AKAP1: variants seen among roughly 807,000 people sequenced by gnomAD.
The protein encoded by AKAP1 is A-kinase anchoring protein 1, also known as A-kinase anchor protein 1, mitochondrial.
A neutral mutation model predicts 79.8 loss-of-function variants in AKAP1; 32 were observed. The observed-to-expected ratio is 0.40, with a 90% confidence interval of 0.30 to 0.54. The LOEUF is 0.54. Among genes scored for constraint, AKAP1 ranks in the 20% least tolerant of loss-of-function variants. The pLI is 0.47. For missense variants in AKAP1, 961 were observed against 1,138.9 expected, an observed-to-expected ratio of 0.84 and a Z score of 2.25; for synonymous variants, 416 against 466.7, an observed-to-expected ratio of 0.89 and a Z score of 1.40.
rs1375756476 is a variant in AKAP1, at chr17:57,120,333, C to T, written c.*9C>T. ...ACTACACAAGCCTTTGACCCCCATG[C>T]TGCTTCCTGAGAGTCTTTTTTTGCA... On this transcript the variant is annotated 3_prime_UTR_variant, in exon 11 of 11. Transcript: ENST00000337714. 6.2e-7 allele frequency: 1 copy of T among 1,610,018 alleles called. No homozygotes were observed. Among genetic ancestry groups the T allele is most frequent in the Non-Finnish European group, 8.5e-7 (1 of 1,178,796 alleles).
intron 4 of AKAP1, among the ~76,000 whole-genome samples, 154 bp from the exon 5 acceptor site, chr17:57,112,337 C>T (rs1370703023): frequency 6.6e-6 from 1 of 152,166 alleles, no homozygotes; most frequent in African/African-American, 2.4e-5. Context: ...TGCCTTTCTT[C>T]CTAAAGCAGA....
Position 57,106,643 on chromosome 17 carries a change from C to T in AKAP1, c.1179C>T (p.His393=). ...AGGAAGAGAGCTGTGTCCCAGTTCA[C>T]CAGAAAACTGTCTTGGGCCCAGACA... ...GQKEESCVPV[H]QKTVLGPDTA... is the part of the protein sequence containing the mutation. Residue 393 remains histidine, a synonymous_variant, in exon 2 of 11, where the codon CAC becomes CAT. Transcript: ENST00000337714. 6.2e-7 allele frequency: 1 copy of T among 1,614,118 alleles called. No individual in the cohort carries two copies. The highest frequency in any genetic ancestry group is 1.7e-5 in the Admixed American group (1 of 60,022).
intron 1 of AKAP1, among the ~76,000 whole-genome samples, chr17:57,088,231 T>C (rs1208860653): frequency 6.6e-6 from 1 of 152,160 alleles, no homozygotes; most frequent in Non-Finnish European, 1.5e-5. Flanking sequence ...TTATGATCAT[T>C]TAACATTAAG....
At chr17:57,098,490 C>T (rs1914261700) in intron 1 of AKAP1, 1 of 152,024 alleles carries the variant, frequency 6.6e-6, no homozygotes, top group Non-Finnish European at 1.5e-5. Flanking sequence ...CAAAAAAAAA[C>T]ACCTCAGGGC....
At chr17:57,113,332 G>T (rs542259744) in intron 5 of AKAP1, among the ~76,000 whole-genome samples, 2 of 152,158 alleles carry the variant, frequency 1.3e-5, no homozygotes, top group South Asian at 4.2e-4. Flanking sequence ...TGTTGACTAC[G>T]TTTTACACAG....
At chr17:57,104,823 A>T (rs1228567027) in intron 1 of AKAP1, among the ~76,000 whole-genome samples, 1 of 152,226 alleles carries the variant, frequency 6.6e-6, no homozygotes, top group Non-Finnish European at 1.5e-5. Context: ...GAGCGCCTGT[A>T]TTTGAATCTT....
At chr17:57,108,011 T>C in intron 2 of AKAP1, 1 of 1,286,076 alleles carries the variant, frequency 7.8e-7, no homozygotes, top group Non-Finnish European at 1.0e-6. Context: ...TTTCGAGTGC[T>C]GACCCCAGCG....
At chr17:57,112,708 G>T in intron 5 of AKAP1, 90 bp downstream of exon 5, 1 of 1,506,572 alleles carries the variant, frequency 6.6e-7, no homozygotes. Flanking sequence ...AGGCTAAGAA[G>T]GCCAAGTGCA....
At chr17:57,113,451 C>T (rs926689389) in intron 5 of AKAP1, among the ~76,000 whole-genome samples, 38 of 151,854 alleles carry the variant, frequency 2.5e-4, no homozygotes, top group Non-Finnish European at 7.4e-5. Context: ...TGTGTCTTCC[C>T]CTTTGCAAAG....
At chr17:57,092,445 C>T (rs2144638164) in intron 1 of AKAP1, 1 of 152,404 alleles carries the variant, frequency 6.6e-6, no homozygotes, top group Non-Finnish European at 1.5e-5. Flanking sequence ...TGTCCGCCTC[C>T]TGGGGCTGGA....
intron 5 of AKAP1, 57 bp from the exon 6 acceptor site, chr17:57,114,402 T>C (rs1915447670): frequency 3.8e-6 from 6 of 1,589,874 alleles, no homozygotes; most frequent in Non-Finnish European, 4.3e-6. Context: ...TCGGGACTTA[T>C]TCAAAGATGA....
chr17:57,097,050 C>T (rs1018780370), intron 1 of AKAP1, among the ~76,000 whole-genome samples: 12 of 152,076 alleles, frequency 7.9e-5, no homozygotes, highest in Admixed American at 6.5e-4. Context: ...GCAACTGCTG[C>T]GACTATGGCT....
chr17:57,102,142 G>A (rs73991768), intron 1 of AKAP1, among the ~76,000 whole-genome samples: 3,367 of 152,266 alleles, frequency 0.022, 120 homozygotes, highest in African/African-American at 0.076. Flanking sequence ...TCACTGTGTT[G>A]CCCAGGCTGG....
At position 57,106,908 on chromosome 17, in the gene AKAP1, G is replaced by C. The variant is rs1914920110; in HGVS notation, c.1444G>C (p.Val482Leu). 2 of 1,613,912 alleles carry C rather than the reference G, an allele frequency of 1.2e-6. No individual in the cohort carries two copies. The highest frequency in any genetic ancestry group is 1.7e-6 in the Non-Finnish European group (2 of 1,179,770). ...EELPDRAGIL[V>L]EDATCVTCMS... Reference sequence around the variant, plus strand: ...GTTGCCGGACCGGGCAGGCATCCTGGTGGAAGATGCCACCTGTGTCACCTG... The same window carrying C: ...GTTGCCGGACCGGGCAGGCATCCTGCTGGAAGATGCCACCTGTGTCACCTG... The change falls in exon 2 of 11, where the codon GTG becomes CTG. Residue 482 changes from valine to leucine, a missense_variant. Physicochemically the swap from Val to Leu is conservative, Grantham distance 32. Around this residue, in one of 3 missense-constraint regions of AKAP1, gnomAD observed 629 missense variants for 781.1 expected, o/e 0.81. Coordinates refer to ENST00000337714, the MANE Select transcript of AKAP1 (RefSeq NM_003488.4).
At chr17:57,092,853 G>C (rs1913865366) in intron 1 of AKAP1, 1 of 152,240 alleles carries the variant, frequency 6.6e-6, no homozygotes, top group African/African-American at 2.4e-5. Flanking sequence ...GCCATGCTCT[G>C]CCTCATCTTC....
chr17:57,105,481 G>C lies in AKAP1; in HGVS notation c.17G>C (p.Arg6Pro), dbSNP rs779096303. 6.2e-7 allele frequency: 1 copy of C among 1,613,888 alleles called. No individual in the cohort carries two copies. The highest frequency in any genetic ancestry group is 8.5e-7 in the Non-Finnish European group (1 of 1,179,930). ...GCCTCCAGGATGGCAATCCAGTTCCGTTCGCTCTTCCCCTTGGCATTGCCT... is the reference window on the plus strand; with the variant it reads ...GCCTCCAGGATGGCAATCCAGTTCCCTTCGCTCTTCCCCTTGGCATTGCCT... Reference protein sequence around the residue: MAIQFRSLFPLALPGM... With the variant: MAIQFPSLFPLALPGM... The change falls in exon 2 of 11, where the codon CGT becomes CCT. Residue 6 changes from arginine (R) to proline (P), a missense_variant. Coordinates refer to ENST00000337714, the MANE Select transcript of AKAP1 (RefSeq NM_003488.4).
At chr17:57,108,307 GA>G (rs1309636897) in intron 2 of AKAP1, among the ~76,000 whole-genome samples, 1 of 152,158 alleles carries the variant, frequency 6.6e-6, no homozygotes, top group Non-Finnish European at 1.5e-5. Flanking sequence ...ACCTTGGAAA[GA>G]AAAAAGTGCT....
chr17:57,088,713 G>A (rs1266272877), intron 1 of AKAP1, among the ~76,000 whole-genome samples: 1 of 152,226 alleles, frequency 6.6e-6, no homozygotes, highest in Non-Finnish European at 1.5e-5. Context: ...AGCATTCTGA[G>A]AACTAGCTTT....
intron 1 of AKAP1, among the ~76,000 whole-genome samples, chr17:57,102,148 G>A (rs943618764): frequency 1.3e-5 from 2 of 152,174 alleles, no homozygotes; most frequent in African/African-American, 2.4e-5. Context: ...TGTTGCCCAG[G>A]CTGGTGGCAA....
Sources: allele counts gnomAD v4.1 joint callset (sites outside exome capture counted in the v4.1 genomes callset), GRCh38; gene constraint gnomAD v4.1.1; regional missense constraint gnomAD v4.1.1; transcripts MANE v1.5; gene names NCBI Gene and HGNC (gene_info 2026-07-23, HGNC 2026-07-21).